The following MINDY3 variants were observed in gnomAD, a reference collection of about 807,000 sequenced individuals.
MINDY3 encodes the protein MINDY lysine 48 deubiquitinase 3.
MINDY3 carries 38 observed loss-of-function variants against 69.2 expected under a neutral mutation model. That is an observed-to-expected ratio of 0.55 (90% confidence interval 0.42 to 0.72). MINDY3 has a LOEUF of 0.72. Ranked by LOEUF, MINDY3 falls within the 30% of genes least tolerant of loss-of-function variation. The pLI is 0.00. For missense variants in MINDY3, 522 were observed against 519.0 expected, an observed-to-expected ratio of 1.01 and a Z score of -0.06; for synonymous variants, 192 against 180.1, an observed-to-expected ratio of 1.07 and a Z score of -0.53.
rs779925058 is a variant in MINDY3 at position 15,811,727 on chromosome 10, G to GA, written c.882+5107dup. Among the ~76,000 whole-genome samples, 236 of 151,510 alleles carry GA rather than the reference G, an allele frequency of 1.6e-3. 1 individual carries two copies. Among genetic ancestry groups the GA allele is most frequent in the Middle Eastern group, 3.4e-3 (1 of 290 alleles). ...GCCCAAAGCCACTAATTTGCTTCAG[G>GA]AAAAAAAATAACATATGTGCACTTT... On this transcript the variant is annotated intron_variant, in intron 10 of 14. Transcript: ENST00000277632.
chr10:15,852,097 T>C (rs376495047), intron 1 of MINDY3, among the ~76,000 whole-genome samples: 5 of 152,312 alleles, frequency 3.3e-5, no homozygotes, highest in African/African-American at 9.6e-5. Flanking sequence ...CCTATCTAAG[T>C]AGTCTCTCCT....
chr10:15,788,300 T>TCTAA (rs1837133381), intron 12 of MINDY3, among the ~76,000 whole-genome samples: 1 of 152,276 alleles, frequency 6.6e-6, no homozygotes, highest in East Asian at 1.9e-4. Flanking sequence ...TATTAATATT[T>TCTAA]CTAACTATTG....
At chr10:15,841,707 A>T in intron 3 of MINDY3, 108 bp from the exon 4 acceptor site, 1 of 594,730 alleles carries the variant, frequency 1.7e-6, no homozygotes, top group African/African-American at 1.9e-5. Flanking sequence ...CAAGCATTTT[A>T]AAAATGGGGG....
chr10:15,825,127 C>T (rs1840004884), intron 8 of MINDY3, among the ~76,000 whole-genome samples: 1 of 151,194 alleles, frequency 6.6e-6, no homozygotes, highest in African/African-American at 2.4e-5. Context: ...ATCTGAAATC[C>T]GAAATGTTCC....
chr10:15,791,987 G>T (rs1837458650), intron 11 of MINDY3, among the ~76,000 whole-genome samples: 1 of 151,970 alleles, frequency 6.6e-6, no homozygotes, highest in African/African-American at 2.4e-5. Flanking sequence ...AGAGAAGCTG[G>T]AAAAAGGTTT....
intron 1 of MINDY3, among the ~76,000 whole-genome samples, chr10:15,856,428 A>C (rs77192937): frequency 1.3e-5 from 2 of 151,896 alleles, no homozygotes; most frequent in Non-Finnish European, 2.9e-5. Context: ...GAAAAAAAAA[A>C]CCCACCCACT....
intron 8 of MINDY3, among the ~76,000 whole-genome samples, chr10:15,833,246 C>T (rs1039103327): frequency 6.6e-6 from 1 of 152,128 alleles, no homozygotes; most frequent in Non-Finnish European, 1.5e-5. Flanking sequence ...GTAATATAGG[C>T]AAAAACCCAA....
chr10:15,808,261 T>C (rs1197319983), intron 10 of MINDY3, among the ~76,000 whole-genome samples: 1 of 152,152 alleles, frequency 6.6e-6, no homozygotes, highest in Non-Finnish European at 1.5e-5. Context: ...CTGTATTAGA[T>C]GAGGCACGAA....
At chr10:15,823,733 T>C (rs141826605) in intron 8 of MINDY3, among the ~76,000 whole-genome samples, 233 of 152,244 alleles carry the variant, frequency 1.5e-3, no homozygotes, top group African/African-American at 5.4e-3. Context: ...CTATCAAATA[T>C]TGAATTTACT....
chr10:15,782,024 G>T, intron 14 of MINDY3, 131 bp downstream of exon 14: 1 of 711,556 alleles, frequency 1.4e-6, no homozygotes, highest in Non-Finnish European at 2.4e-6. Flanking sequence ...ATTCTAAAAT[G>T]TGTCCTCATA....
At chr10:15,819,087 G>A (rs1839575922) in intron 9 of MINDY3, among the ~76,000 whole-genome samples, 1 of 152,134 alleles carries the variant, frequency 6.6e-6, no homozygotes, top group African/African-American at 2.4e-5. Context: ...GGAGAGTGCA[G>A]GAGGGAGAAA....
At chr10:15,799,360 G>A (rs1838086958) in intron 10 of MINDY3, among the ~76,000 whole-genome samples, 2 of 151,776 alleles carry the variant, frequency 1.3e-5, no homozygotes, top group African/African-American at 4.8e-5. Context: ...CACCATGCCC[G>A]GCTAATTTTT....
At chr10:15,826,763 G>A (rs543325800) in intron 8 of MINDY3, among the ~76,000 whole-genome samples, 3 of 152,242 alleles carry the variant, frequency 2.0e-5, no homozygotes, top group Admixed American at 1.3e-4. Context: ...ATGGAAAAAT[G>A]TGTTCAACAA....
chr10:15,819,121 G>A (rs529803120), intron 9 of MINDY3, among the ~76,000 whole-genome samples: 1 of 152,182 alleles, frequency 6.6e-6, no homozygotes, highest in Admixed American at 6.5e-5. Flanking sequence ...CACCTTAATT[G>A]TATTAATGCA....
At chr10:15,815,822 G>GCCC (rs1839318067) in intron 10 of MINDY3, among the ~76,000 whole-genome samples, 1 of 152,136 alleles carries the variant, frequency 6.6e-6, no homozygotes, top group African/African-American at 2.4e-5. Context: ...AGGAAAGGGG[G>GCCC]CTGAGAGATG....
chr10:15,823,337 A>G (rs1207180965), intron 8 of MINDY3, among the ~76,000 whole-genome samples: 1 of 152,178 alleles, frequency 6.6e-6, no homozygotes. Flanking sequence ...TTTTCATAAT[A>G]TGATGTTAAT....
At chr10:15,852,745 G>T (rs896154073) in intron 1 of MINDY3, among the ~76,000 whole-genome samples, 1 of 152,112 alleles carries the variant, frequency 6.6e-6, no homozygotes, top group African/African-American at 2.4e-5. Flanking sequence ...ATTCGGATTA[G>T]AAAGAGAAAT....
At position 15,816,941 on chromosome 10, in the gene MINDY3, C is replaced by T. The variant is rs1047204900; in HGVS notation, c.802-26G>A. 5.1e-5 allele frequency: 78 copies of T among 1,533,358 alleles called. No individual in the cohort carries two copies. In the South Asian group the frequency reaches 7.9e-4, roughly 15 times the overall value. The allele number at this position is 1,533,358 out of a possible 1,614,324, so 95.0% of individuals were successfully genotyped here. On this transcript the variant is annotated intron_variant, in intron 9 of 14. Coordinates refer to ENST00000277632, the MANE Select transcript of MINDY3 (RefSeq NM_024948.4). ...CTAGAACAAATGTAGCAAAATAAAA[C>T]AAATAAACAAATTAAAAATTTATAC... is the stretch of plus-strand genomic sequence containing the variant.
intron 10 of MINDY3, among the ~76,000 whole-genome samples, chr10:15,799,124 T>A (rs979538915): frequency 3.9e-5 from 6 of 152,138 alleles, no homozygotes; most frequent in African/African-American, 1.4e-4. Flanking sequence ...AGGTGGTGAC[T>A]TTATTTGGCC....
Sources: allele counts gnomAD v4.1 joint callset (sites outside exome capture counted in the v4.1 genomes callset), GRCh38; gene constraint gnomAD v4.1.1; transcripts MANE v1.5; gene names NCBI Gene and HGNC (gene_info 2026-07-23, HGNC 2026-07-21).